Variants in INO80D observed in about 807,000 individuals in gnomAD.
INO80D encodes the protein INO80 complex subunit D.
In INO80D, 21 loss-of-function variants were observed where a neutral mutation model predicts 87.6. That is an observed-to-expected ratio of 0.24 (90% confidence interval 0.17 to 0.35). The LOEUF is 0.35. Among genes scored for constraint, INO80D ranks in the 10% least tolerant of loss-of-function variants. The pLI, the probability that INO80D is intolerant of heterozygous loss-of-function variation, is 1.00. For missense variants in INO80D, 982 were observed against 1,280.7 expected, an observed-to-expected ratio of 0.77 and a Z score of 3.56; for synonymous variants, 440 against 491.0, an observed-to-expected ratio of 0.90 and a Z score of 1.37.
chr2:206,024,826 G>A (rs1688559855), intron 6 of INO80D, among the ~76,000 whole-genome samples: 1 of 152,032 alleles, frequency 6.6e-6, no homozygotes. Context: ...CACAATCTCG[G>A]CTCACTGCAA....
chr2:206,072,689 T>G lies in INO80D; in HGVS notation c.-123-9445A>C, dbSNP rs1690006985. ...TGGTTTGGAGAAGGAAGAATAGAGA[T>G]CTCAGTACTTGCTATCATTAACCAC... On this transcript the variant is annotated intron_variant, in intron 1 of 10. Coordinates refer to ENST00000403263, the MANE Select transcript of INO80D (RefSeq NM_017759.5). 2.6e-5 allele frequency among the ~76,000 whole-genome samples: 4 copies of G among 152,168 alleles called. No individual in the cohort carries two copies. In the South Asian group the frequency reaches 8.3e-4, roughly 31 times the overall value.
chr2:206,081,940 G>A (rs1033006295), intron 1 of INO80D, among the ~76,000 whole-genome samples: 1 of 152,102 alleles, frequency 6.6e-6, no homozygotes, highest in African/African-American at 2.4e-5. Flanking sequence ...CCCAGCGGAA[G>A]GACTGGGATC....
At chr2:206,057,746 C>T (rs1365044602) in intron 3 of INO80D, among the ~76,000 whole-genome samples, 1 of 152,044 alleles carries the variant, frequency 6.6e-6, no homozygotes, top group Non-Finnish European at 1.5e-5. Flanking sequence ...ACCAGGATCT[C>T]ACAAATCACC....
intron 1 of INO80D, among the ~76,000 whole-genome samples, chr2:206,078,770 C>A (rs1044133745): frequency 6.6e-6 from 1 of 152,030 alleles, no homozygotes; most frequent in African/African-American, 2.4e-5. Context: ...GATGGTGAAA[C>A]CCCGTCTCTA....
chr2:206,025,537 A>AG (rs1484516967), intron 6 of INO80D: 2 of 107,964 alleles, frequency 1.9e-5, no homozygotes, highest in Non-Finnish European at 3.8e-5. Context: ...TCAAAAAAAA[A>AG]AAAAAATATA....
At chr2:206,015,691 C>T (rs1452684836) in intron 8 of INO80D, among the ~76,000 whole-genome samples, 3 of 152,024 alleles carry the variant, frequency 2.0e-5, no homozygotes, top group African/African-American at 7.2e-5. Context: ...TTGAGACCAC[C>T]CTGGCCAACA....
At chr2:206,025,540 AAAATATATAT>A (rs1285863359) in intron 6 of INO80D, 6 of 63,280 alleles carry the variant, frequency 9.5e-5, no homozygotes, top group South Asian at 1.0e-3. Flanking sequence ...AAAAAAAAAA[AAAATATATAT>A]ATATATATAT....
Position 206,062,982 on chromosome 2 carries a change from A to C in INO80D, c.35T>G (p.Val12Gly). The C allele has an allele frequency of 6.2e-7, 1 of 1,612,648 alleles. No homozygotes were observed. Among genetic ancestry groups the C allele is most frequent in the East Asian group, 2.2e-5 (1 of 44,880 alleles). ...YEGKHIHFSE[V>G]DNKPLCSYSP... ...ATATGAGCACAAGGGCTTATTGTCA[A>C]CCTCAGAGAAGTGTATATGTTTCCC... The change falls in exon 3 of 11, where the codon GTT becomes GGT. Residue 12 changes from valine to glycine, a missense_variant. Physicochemically the swap from Val to Gly is moderately radical, Grantham distance 109 (BLOSUM62 -3). Coordinates refer to ENST00000403263, the MANE Select transcript of INO80D (RefSeq NM_017759.5). This position sits in a 1 kb window ranked among gnomAD's most constrained non-coding sequence, Gnocchi z 4.6.
chr2:206,019,968 C>T, intron 6 of INO80D, 123 bp from the exon 7 acceptor site: 1 of 573,178 alleles, frequency 1.7e-6, no homozygotes, highest in Non-Finnish European at 3.0e-6. Context: ...TCTACAGTCA[C>T]TAAATAAAAT....
chr2:206,077,422 T>TCC (rs1488107398), intron 1 of INO80D, among the ~76,000 whole-genome samples: 2 of 152,164 alleles, frequency 1.3e-5, no homozygotes, highest in African/African-American at 4.8e-5. Context: ...TCTGTAGGAC[T>TCC]AAAATACATT....
chr2:206,038,116 T>C (rs1688939842), intron 5 of INO80D, among the ~76,000 whole-genome samples: 1 of 151,668 alleles, frequency 6.6e-6, no homozygotes, highest in African/African-American at 2.4e-5. Flanking sequence ...TAATGAGAAA[T>C]TGGTTAACAG....
chr2:206,065,961 C>CTA (rs1357480845), intron 1 of INO80D, among the ~76,000 whole-genome samples: 1 of 152,080 alleles, frequency 6.6e-6, no homozygotes, highest in Non-Finnish European at 1.5e-5. Flanking sequence ...AGTATAGCCA[C>CTA]TATAAAGAAC....
In INO80D at chr2:206,001,878, C is replaced by G. The variant is rs528776736; in HGVS notation, c.*2490G>C. ...TTTGGTGTGAAGCTGTAACTAGCAA[C>G]ATTCCTGATAATTTCATGCCTCCTT... On this transcript the variant is annotated 3_prime_UTR_variant, in exon 11 of 11. Transcript: ENST00000403263. The G allele has an allele frequency of 6.6e-6, 1 of 152,332 alleles. No homozygotes were observed. The highest frequency in any genetic ancestry group is 2.4e-5 in the African/African-American group (1 of 41,572). 9.4% of individuals were successfully genotyped at this position (152,332 alleles called of 1,614,324 possible).
intron 4 of INO80D, among the ~76,000 whole-genome samples, chr2:206,049,873 T>C (rs1254040888): frequency 6.6e-6 from 1 of 152,258 alleles, no homozygotes; most frequent in Non-Finnish European, 1.5e-5. Flanking sequence ...GGCTCACGCC[T>C]GTAATCCCAG....
At chr2:206,038,446 G>T (rs905388372) in intron 5 of INO80D, among the ~76,000 whole-genome samples, 3 of 152,122 alleles carry the variant, frequency 2.0e-5, no homozygotes, top group Non-Finnish European at 4.4e-5. Context: ...CAATATACTA[G>T]GTAAAATATA....
intron 6 of INO80D, among the ~76,000 whole-genome samples, chr2:206,027,156 G>GCGCA (rs1395416263): frequency 2.1e-4 from 32 of 151,304 alleles, no homozygotes; most frequent in South Asian, 1.0e-3. Context: ...GCGCGCACGC[G>GCGCA]CACACACACA....
Position 206,063,142 on chromosome 2 carries a change from C to T in INO80D, c.-30+9G>A. The T allele has an allele frequency of 2.9e-6, 2 of 683,948 alleles. No homozygotes were observed. Among genetic ancestry groups the T allele is most frequent in the Non-Finnish European group, 2.5e-6 (1 of 395,248 alleles). The allele number at this position is 683,948 out of a possible 1,614,324, so 42.4% of individuals were successfully genotyped here. On this transcript the variant is annotated intron_variant, in intron 2 of 10. Coordinates refer to ENST00000403263, the MANE Select transcript of INO80D (RefSeq NM_017759.5). ...TTTCACTGAGGGACTTCTGGCCCCA[C>T]AGCCATACCTGATTTTAAATCTTCT...
At chr2:206,024,569 T>G (rs564312951) in intron 6 of INO80D, among the ~76,000 whole-genome samples, 2 of 152,208 alleles carry the variant, frequency 1.3e-5, no homozygotes, top group South Asian at 4.1e-4. Context: ...CTGTTCTACT[T>G]CTAGAAAACT....
intron 5 of INO80D, among the ~76,000 whole-genome samples, chr2:206,043,785 C>T (rs1467573650): frequency 6.6e-6 from 1 of 152,226 alleles, no homozygotes; most frequent in South Asian, 2.1e-4. Context: ...TGTGCCTGGC[C>T]GAGGTAGGGC....
Sources: gnomAD v4.1 joint callset for allele counts (sites outside exome capture counted in the v4.1 genomes callset) on GRCh38, gnomAD v4.1.1 for gene constraint, Gnocchi (gnomAD v3.1) non-coding constraint, MANE v1.5 for transcripts, NCBI Gene and HGNC (gene_info 2026-07-23, HGNC 2026-07-21) for gene names.